Variants in GRIN2B observed in about 807,000 individuals in gnomAD.
The protein encoded by GRIN2B is glutamate ionotropic receptor NMDA type subunit 2B.
Under a neutral mutation model 114.5 loss-of-function variants are expected in GRIN2B, and 5 were observed. The ratio of observed to expected loss-of-function variants is 0.04; its 90% confidence interval spans 0.02 to 0.09. The LOEUF is 0.09. Ranked by LOEUF, GRIN2B falls within the 10% of genes least tolerant of loss-of-function variation. The probability of loss-of-function intolerance (pLI) is 1.00; values close to 1 mark genes in which losing one functional copy is unlikely to be tolerated. For synonymous variants in GRIN2B, 787 were observed against 745.1 expected, an observed-to-expected ratio of 1.06 and a Z score of -0.92; for missense variants, 1,108 against 1,943.5, an observed-to-expected ratio of 0.57 and a Z score of 8.08.
In GRIN2B at chr12:13,866,019, C is replaced by T. The variant is rs150070901; in HGVS notation, c.190G>A (p.Val64Met). The change falls in exon 3 of 14, where the codon GTG becomes ATG. Residue 64 changes from valine to methionine, a missense_variant. By Grantham distance (21) the Val-to-Met change is conservative. Transcript: ENST00000609686. ...GCTACCAGTTCCACCCGGGGTACCA[C>T]GGAGAGATGGTGGAAATCATCTTTC... ...HEKDDFHHLS[V>M]VPRVELVAMN... is the part of the protein sequence containing the mutation. 110 of 1,613,962 alleles carry T rather than the reference C, an allele frequency of 6.8e-5. No individual in the cohort carries two copies. Among genetic ancestry groups the T allele is most frequent in the Middle Eastern group, 1.6e-4 (1 of 6,062 alleles).
At chr12:13,736,128 A>C (rs1863176492) in intron 4 of GRIN2B, among the ~76,000 whole-genome samples, 1 of 27,052 alleles carries the variant, frequency 3.7e-5, no homozygotes, top group Non-Finnish European at 7.6e-5. Context: ...CATCTCCCAT[A>C]GAAAAGCGGG....
chr12:13,771,664 G>C, intron 3 of GRIN2B, among the ~76,000 whole-genome samples: 1 of 152,214 alleles, frequency 6.6e-6, no homozygotes, highest in Non-Finnish European at 1.5e-5. Flanking sequence ...ATAAGAAAGT[G>C]CTCAGTACAG....
At chr12:13,611,584 G>T (rs754592917) in intron 9 of GRIN2B, 141 bp downstream of exon 9, 11 of 858,304 alleles carry the variant, frequency 1.3e-5, no homozygotes, top group Non-Finnish European at 2.2e-5. Context: ...CGCCAAGCTG[G>T]TGACTTAGAA....
At chr12:13,879,924 T>TA (rs1437023921) in intron 2 of GRIN2B, among the ~76,000 whole-genome samples, 1 of 152,224 alleles carries the variant, frequency 6.6e-6, no homozygotes, top group Non-Finnish European at 1.5e-5. Flanking sequence ...AAACTTGACT[T>TA]ACGACTTCAC....
chr12:13,682,786 G>A (rs1337853044), intron 4 of GRIN2B, among the ~76,000 whole-genome samples: 2 of 152,068 alleles, frequency 1.3e-5, no homozygotes, highest in Non-Finnish European at 1.5e-5. Context: ...GGTGTAAGTG[G>A]CAATGTGTAA....
At chr12:13,720,428 A>G (rs1434401155) in intron 4 of GRIN2B, among the ~76,000 whole-genome samples, 1 of 152,098 alleles carries the variant, frequency 6.6e-6, no homozygotes, top group Non-Finnish European at 1.5e-5. Flanking sequence ...AAGGTTTTTA[A>G]GGAAAGCATT....
chr12:13,669,311 T>G (rs1479975182), intron 5 of GRIN2B, among the ~76,000 whole-genome samples: 2 of 152,078 alleles, frequency 1.3e-5, no homozygotes, highest in Admixed American at 1.3e-4. Context: ...TTCACACATT[T>G]AAAGAGAATA....
chr12:13,620,617 G>C (rs1376366054), intron 5 of GRIN2B, among the ~76,000 whole-genome samples: 3 of 152,088 alleles, frequency 2.0e-5, no homozygotes, highest in African/African-American at 7.2e-5. Context: ...ACATGTCTCT[G>C]AGTATTTCTG....
At chr12:13,723,328 C>G (rs912949461) in intron 4 of GRIN2B, among the ~76,000 whole-genome samples, 3 of 151,824 alleles carry the variant, frequency 2.0e-5, no homozygotes, top group Admixed American at 2.0e-4. Flanking sequence ...AGTTCTAAGA[C>G]ACATTTCTTA....
At chr12:13,900,125 G>T (rs1432367521) in intron 2 of GRIN2B, among the ~76,000 whole-genome samples, 1 of 152,046 alleles carries the variant, frequency 6.6e-6, no homozygotes, top group Non-Finnish European at 1.5e-5. Context: ...ATCAACTCAA[G>T]AAAATATAAG....
At chr12:13,705,540 T>G (rs565511896) in intron 4 of GRIN2B, among the ~76,000 whole-genome samples, 4 of 152,106 alleles carry the variant, frequency 2.6e-5, no homozygotes, top group African/African-American at 9.7e-5. Context: ...ATTATGTCTG[T>G]TAACACATTA....
intron 1 of GRIN2B, among the ~76,000 whole-genome samples, chr12:13,980,963 C>T (rs1863124813): frequency 6.6e-6 from 1 of 152,110 alleles, no homozygotes; most frequent in Non-Finnish European, 1.5e-5. Context: ...CGCACACTCA[C>T]CCCCGCGCAC....
intron 9 of GRIN2B, 101 bp downstream of exon 9, chr12:13,611,624 T>C: frequency 2.5e-6 from 3 of 1,186,212 alleles, no homozygotes; most frequent in Non-Finnish European, 2.5e-6. Context: ...TTTTCAGAAA[T>C]GGATATGCTA....
chr12:13,688,760 A>T (rs1950190735), intron 4 of GRIN2B, among the ~76,000 whole-genome samples: 1 of 152,180 alleles, frequency 6.6e-6, no homozygotes, highest in Admixed American at 6.5e-5. Flanking sequence ...GAATATCCAA[A>T]TTCTCTCTGG....
intron 3 of GRIN2B, among the ~76,000 whole-genome samples, chr12:13,825,969 G>T (rs941356947): frequency 6.6e-6 from 1 of 151,812 alleles, no homozygotes; most frequent in African/African-American, 2.4e-5. Flanking sequence ...TTATTAATAT[G>T]TTTGGCTCTA....
Position 13,548,497 on chromosome 12 carries a change from T to C in GRIN2B, c.*14286A>G, listed in dbSNP as rs558808779. On this transcript the variant is annotated 3_prime_UTR_variant, in exon 14 of 14. Transcript: ENST00000609686. ...TTTCCCACCTCCCCCCCCCGATGAATATAGGTGTAGCAGAAGACAGGGAGT... is the reference window on the plus strand; with the variant it reads ...TTTCCCACCTCCCCCCCCCGATGAACATAGGTGTAGCAGAAGACAGGGAGT... The C allele has an allele frequency of 7.0e-6, 1 of 143,352 alleles. No homozygotes were observed. The highest frequency in any genetic ancestry group is 2.6e-5 in the African/African-American group (1 of 37,896). 8.9% of individuals were successfully genotyped at this position (143,352 alleles called of 1,614,324 possible).
rs968948967 is a variant in GRIN2B at position 13,554,981 on chromosome 12, T to C, written c.*7802A>G. ...TGTTCAGAAGGTGACTGGAAGTATG[T>C]GTATGAAGGAAAAGCAAAAGGTAGG... On this transcript the variant is annotated 3_prime_UTR_variant, in exon 14 of 14. Transcript: ENST00000609686. The C allele has an allele frequency of 6.6e-6, 1 of 152,074 alleles. No individual in the cohort carries two copies. Among genetic ancestry groups the C allele is most frequent in the Non-Finnish European group, 1.5e-5 (1 of 68,006 alleles). The allele number at this position is 152,074 out of a possible 1,614,324, so 9.4% of individuals were successfully genotyped here.
At chr12:13,710,432 T>C (rs1188353844) in intron 4 of GRIN2B, among the ~76,000 whole-genome samples, 1 of 152,066 alleles carries the variant, frequency 6.6e-6, no homozygotes, top group East Asian at 1.9e-4. Flanking sequence ...AAAGAGGAAG[T>C]CAAATTGTCC....
chr12:13,830,467 T>C (rs1357514893), intron 3 of GRIN2B, among the ~76,000 whole-genome samples: 2 of 152,194 alleles, frequency 1.3e-5, no homozygotes, highest in Non-Finnish European at 2.9e-5. Context: ...ATAGAGAAAC[T>C]ATAGCAAACA....
Sources: gnomAD v4.1 joint callset for allele counts (sites outside exome capture counted in the v4.1 genomes callset) on GRCh38, gnomAD v4.1.1 for gene constraint, MANE v1.5 for transcripts, NCBI Gene and HGNC (gene_info 2026-07-23, HGNC 2026-07-21) for gene names.